Variants in FRAS1 observed in about 807,000 individuals in gnomAD.
FRAS1 encodes Fraser extracellular matrix complex subunit 1, also known as extracellular matrix organizing protein FRAS1.
A neutral mutation model predicts 435.2 loss-of-function variants in FRAS1; 290 were observed. That is an observed-to-expected ratio of 0.67 (90% CI 0.61 to 0.73). The LOEUF (loss-of-function observed/expected upper bound fraction) is 0.73, where lower values mean the gene tolerates loss of function less well. Among genes scored for constraint, FRAS1 ranks in the 30% least tolerant of loss-of-function variants. FRAS1 has a pLI of 0.00. For missense variants in FRAS1, 4,860 were observed against 5,001.5 expected (o/e 0.97, Z 0.85); for synonymous variants, 1,800 against 1,851.0 (o/e 0.97, Z 0.71).
chr4:78,063,495 T>C (rs1739850412), intron 1 of FRAS1, among the ~76,000 whole-genome samples: 2 of 152,210 alleles, frequency 1.3e-5, no homozygotes, highest in African/African-American at 4.8e-5. Context: ...CTTTTGGAAT[T>C]GTACAATACA....
chr4:78,253,512 T>TTG (rs1725644029), intron 5 of FRAS1, among the ~76,000 whole-genome samples: 1 of 152,184 alleles, frequency 6.6e-6, no homozygotes, highest in Non-Finnish European at 1.5e-5. Flanking sequence ...TCTTCACAGT[T>TTG]TGTGTTCTTC....
chr4:78,191,169 A>G (rs915415497), intron 2 of FRAS1, among the ~76,000 whole-genome samples: 3 of 152,196 alleles, frequency 2.0e-5, no homozygotes, highest in South Asian at 2.1e-4. Flanking sequence ...CACCCAGTCT[A>G]CGTATATTGT....
At chr4:78,122,422 T>G (rs1719084495) in intron 2 of FRAS1, among the ~76,000 whole-genome samples, 1 of 152,218 alleles carries the variant, frequency 6.6e-6, no homozygotes, top group Non-Finnish European at 1.5e-5. Context: ...TTGTGAATAG[T>G]GCTGCAATAA....
intron 20 of FRAS1, among the ~76,000 whole-genome samples, chr4:78,356,203 A>G (rs1730849313): frequency 6.6e-6 from 1 of 152,146 alleles, no homozygotes. Context: ...ACAGTTGGAA[A>G]TTGTCACACA....
chr4:78,090,999 A>T (rs1319905261), intron 2 of FRAS1, among the ~76,000 whole-genome samples: 1 of 152,208 alleles, frequency 6.6e-6, no homozygotes, highest in Non-Finnish European at 1.5e-5. Flanking sequence ...ATTGTTAAAA[A>T]TAATTGAATT....
intron 2 of FRAS1, among the ~76,000 whole-genome samples, chr4:78,089,540 G>T (rs143797825): frequency 6.6e-6 from 1 of 152,118 alleles, no homozygotes; most frequent in African/African-American, 2.4e-5. Flanking sequence ...TATTTAGACT[G>T]TTTTGAATTG....
intron 2 of FRAS1, among the ~76,000 whole-genome samples, chr4:78,125,578 G>A (rs1719299236): frequency 6.6e-6 from 1 of 151,980 alleles, no homozygotes; most frequent in Admixed American, 6.6e-5. Context: ...TGTCTTTTTT[G>A]TTGATGTTGA....
intron 38 of FRAS1, among the ~76,000 whole-genome samples, chr4:78,435,197 G>A (rs1247919231): frequency 6.6e-6 from 1 of 152,156 alleles, no homozygotes; most frequent in Non-Finnish European, 1.5e-5. Flanking sequence ...TGAGGCTGCA[G>A]TGAGCCTTGA....
At chr4:78,367,279 C>T (rs4859930) in intron 22 of FRAS1, among the ~76,000 whole-genome samples, 25,459 of 151,862 alleles carry the variant, frequency 0.17, 2,723 homozygotes, top group East Asian at 0.33. Context: ...GTGGCATGTG[C>T]CTGTGGACCC....
At chr4:78,510,876 T>C (rs1721013075) in intron 63 of FRAS1, among the ~76,000 whole-genome samples, 1 of 152,178 alleles carries the variant, frequency 6.6e-6, no homozygotes, top group African/African-American at 2.4e-5. Flanking sequence ...GAAGCATATT[T>C]CCTCTGTCTC....
At chr4:78,405,392 A>C (rs1263221053) in intron 30 of FRAS1, among the ~76,000 whole-genome samples, 1 of 124,752 alleles carries the variant, frequency 8.0e-6, no homozygotes, top group Non-Finnish European at 1.7e-5. Flanking sequence ...AACCAGGGAG[A>C]GAAAGGTAAT....
In FRAS1 at chr4:78,057,824, C is replaced by T. The variant is rs1362058090; in HGVS notation, c.-186C>T. On this transcript the variant is annotated 5_prime_UTR_variant, in exon 1 of 74. Transcript: ENST00000512123. The surrounding 1 kb of genome is among the most constrained non-coding windows in gnomAD (Gnocchi z 4.2). The stretch of plus-strand genomic sequence containing the variant: ...GCAGCGAGTGAATTGAACCCCAGCC[C>T]GCTCCGGCGCCTCCGGGCTGATGAG... The T allele has an allele frequency of 1.7e-6, 1 of 586,580 alleles. No homozygotes were observed. The highest frequency in any genetic ancestry group is 1.9e-5 in the African/African-American group (1 of 53,472). The allele number at this position is 586,580 out of a possible 1,614,324, so 36.3% of individuals were successfully genotyped here. A position where few individuals can be genotyped will look rare whatever the true frequency, so the allele number is the denominator to read the frequency against.
intron 6 of FRAS1, among the ~76,000 whole-genome samples, chr4:78,261,400 A>G (rs1726093705): frequency 1.3e-5 from 2 of 152,052 alleles, no homozygotes; most frequent in South Asian, 2.1e-4. Context: ...TTTGTCTTTG[A>G]TGGGATTCTG....
chr4:78,506,359 G>C (rs1720841280), intron 61 of FRAS1, among the ~76,000 whole-genome samples: 1 of 152,234 alleles, frequency 6.6e-6, no homozygotes, highest in African/African-American at 2.4e-5. Context: ...CCACAGAGGT[G>C]GAGTCTATAG....
At chr4:78,464,255 C>G (rs1391683588) in intron 48 of FRAS1, 110 bp downstream of exon 48, 3 of 1,435,942 alleles carry the variant, frequency 2.1e-6, no homozygotes, top group African/African-American at 2.8e-5. Context: ...TTCCTCTGCT[C>G]TCAGTCAAGG....
chr4:78,301,473 T>C (rs929047127), intron 14 of FRAS1, among the ~76,000 whole-genome samples: 2 of 151,928 alleles, frequency 1.3e-5, no homozygotes, highest in Non-Finnish European at 2.9e-5. Context: ...AAAAGCAAGC[T>C]TTGTGAGTTC....
intron 2 of FRAS1, among the ~76,000 whole-genome samples, chr4:78,232,393 C>G (rs534705605): frequency 3.6e-4 from 55 of 151,848 alleles, no homozygotes; most frequent in African/African-American, 1.3e-3. Context: ...TCATGCCATT[C>G]TCCTGCCTCA....
intron 30 of FRAS1, among the ~76,000 whole-genome samples, chr4:78,406,138 G>C (rs527644278): frequency 5.9e-4 from 90 of 152,260 alleles, no homozygotes; most frequent in Non-Finnish European, 1.1e-3. Flanking sequence ...ACAAAATAAT[G>C]ATGATTGGTA....
chr4:78,445,885 TG>T, intron 42 of FRAS1, 173 bp downstream of exon 42: 1 of 1,339,128 alleles, frequency 7.5e-7, no homozygotes, highest in Non-Finnish European at 9.6e-7. Context: ...GGTTGGCATT[TG>T]GGGAAGGCTT....
Sources: allele counts gnomAD v4.1 joint callset (sites outside exome capture counted in the v4.1 genomes callset), GRCh38; gene constraint gnomAD v4.1.1; non-coding constraint Gnocchi (gnomAD v3.1); transcripts MANE v1.5; gene names NCBI Gene and HGNC (gene_info 2026-07-23, HGNC 2026-07-21).